TCF4: variants seen among roughly 807,000 people sequenced by gnomAD.
TCF4 encodes the protein transcription factor 4.
TCF4 carries 3 observed loss-of-function variants against 82.1 expected under a neutral mutation model. The observed-to-expected ratio is 0.04, with a 90% CI of 0.02 to 0.09. The LOEUF (loss-of-function observed/expected upper bound fraction) is 0.09. Among genes scored for constraint, TCF4 ranks in the 10% least tolerant of loss-of-function variants. TCF4 has a pLI of 1.00. For synonymous variants in TCF4, 276 were observed against 309.6 expected (o/e 0.89, Z 1.14); for missense variants, 518 against 852.7 (o/e 0.61, Z 4.89).
intron 8 of TCF4, among the ~76,000 whole-genome samples, chr18:55,333,755 A>G (rs2147815422): frequency 6.6e-6 from 1 of 152,288 alleles, no homozygotes; most frequent in Middle Eastern, 3.4e-3. Flanking sequence ...TCAAGACTGC[A>G]AGTTCACAGT....
At position 55,585,352 on chromosome 18, in the gene TCF4, T is replaced by C. The variant is rs2097629744; in HGVS notation, c.73A>G (p.Met25Val). The part of the protein sequence containing the change: ...ELSDLLDFSA[M>V]FSPPVSSGKN... ...CCACTGCTCACAGGAGGTGAAAACA[T>C]CTAAAAGAAACAAAGAAATATTACA... Residue 25 changes from methionine (M) to valine (V), a missense_variant and splice_region_variant, in exon 3 of 20, where the codon ATG (methionine) becomes GTG (valine). Transcript: ENST00000354452. 6.2e-7 allele frequency: 1 copy of C among 1,613,804 alleles called. No individual in the cohort carries two copies. The highest frequency in any genetic ancestry group is 8.5e-7 in the Non-Finnish European group (1 of 1,179,800).
Position 55,510,463 on chromosome 18 carries a change from T to C in TCF4, c.146-46326A>G, listed in dbSNP as rs898814805. On this transcript the variant is annotated intron_variant, in intron 3 of 19. Coordinates refer to ENST00000354452, the MANE Select transcript of TCF4 (RefSeq NM_001083962.2). The stretch of plus-strand genomic sequence containing the variant: ...ATGCATTTCAACCTAGAAGCCTTTG[T>C]AAAAACCCCAGTCAAATATGTCCAG... 9 of 762,878 alleles carry C rather than the reference T, an allele frequency of 1.2e-5. No individual in the cohort carries two copies. The African/African-American group carries it at 1.6e-4, about 14-fold the overall frequency. 47.3% of individuals were successfully genotyped at this position (762,878 alleles called of 1,614,324 possible).
At chr18:55,263,858 C>CAAAG (rs1367709029) in intron 11 of TCF4, among the ~76,000 whole-genome samples, 3 of 151,690 alleles carry the variant, frequency 2.0e-5, no homozygotes, top group Non-Finnish European at 2.9e-5. Flanking sequence ...TTCAGAGCTA[C>CAAAG]ATTGGAAAAA....
At chr18:55,523,606 G>C (rs1269258774) in intron 3 of TCF4, among the ~76,000 whole-genome samples, 2 of 151,738 alleles carry the variant, frequency 1.3e-5, no homozygotes, top group Non-Finnish European at 2.9e-5. Context: ...GGGAATTTTT[G>C]ACTTTCCCTT....
intron 6 of TCF4, among the ~76,000 whole-genome samples, chr18:55,381,323 G>A (rs1000543125): frequency 2.0e-5 from 3 of 152,192 alleles, no homozygotes; most frequent in Non-Finnish European, 4.4e-5. Flanking sequence ...TTTCAAAGGT[G>A]AAAACACCCA....
At chr18:55,228,726 T>C in intron 18 of TCF4, 121 bp downstream of exon 18, 1 of 1,055,622 alleles carries the variant, frequency 9.5e-7, no homozygotes, top group Admixed American at 2.0e-5. Context: ...ATGGAAACAA[T>C]TCTTTGGAAT....
intron 12 of TCF4, 80 bp from the exon 13 acceptor site, chr18:55,260,107 C>T (rs565525701): frequency 2.6e-5 from 28 of 1,085,468 alleles, no homozygotes; most frequent in East Asian, 4.7e-5. Flanking sequence ...AAGTTGTCAA[C>T]GCAATTCATT....
chr18:55,468,888 C>G (rs560464023), intron 3 of TCF4, among the ~76,000 whole-genome samples: 48 of 125,386 alleles, frequency 3.8e-4, no homozygotes, highest in Non-Finnish European at 3.5e-4. Context: ...CTCGCCCCCC[C>G]CCCCCTTGTT....
At chr18:55,407,736 C>T (rs1479416346) in intron 5 of TCF4, among the ~76,000 whole-genome samples, 1 of 150,936 alleles carries the variant, frequency 6.6e-6, no homozygotes, top group Non-Finnish European at 1.5e-5. Flanking sequence ...GGAAAATTTG[C>T]TTTTTATTTG....
chr18:55,588,841 A>G (rs985453650), upstream of TCF4, among the ~76,000 whole-genome samples: 11 of 144,130 alleles, frequency 7.6e-5, no homozygotes, highest in Non-Finnish European at 4.6e-5. Flanking sequence ...GCAAACTTCG[A>G]AAAAAAAAAA....
intron 5 of TCF4, among the ~76,000 whole-genome samples, chr18:55,405,775 G>A (rs1420459577): frequency 1.3e-5 from 2 of 152,260 alleles, no homozygotes; most frequent in African/African-American, 4.8e-5. Context: ...GCAGGAGGGA[G>A]AGGAGGAGGA....
At chr18:55,429,226 G>A (rs2095099211) in intron 5 of TCF4, among the ~76,000 whole-genome samples, 1 of 152,158 alleles carries the variant, frequency 6.6e-6, no homozygotes, top group Admixed American at 6.5e-5. Context: ...TCTGGCCAGG[G>A]CCCTGGGCCA....
In TCF4 at chr18:55,326,614, T is replaced by C. The variant is rs74669824; in HGVS notation, c.549+23745A>G. Reference sequence around the variant, plus strand: ...CTTAAAAATATAATTTCTGCTGATGTGTTAGTACTCAAATCTATGTTCTCA... The same window carrying C: ...CTTAAAAATATAATTTCTGCTGATGCGTTAGTACTCAAATCTATGTTCTCA... On this transcript the variant is annotated intron_variant, in intron 8 of 19. Transcript: ENST00000354452. 7.5e-3 allele frequency among the ~76,000 whole-genome samples: 1,135 copies of C among 152,250 alleles called. 16 individuals are homozygous for C. The highest frequency in any genetic ancestry group is 0.026 in the African/African-American group (1,079 of 41,544).
intron 8 of TCF4, among the ~76,000 whole-genome samples, chr18:55,323,610 T>TCCTCA (rs2076077576): frequency 6.6e-6 from 1 of 152,236 alleles, no homozygotes; most frequent in Non-Finnish European, 1.5e-5. Flanking sequence ...TTTCATGCTT[T>TCCTCA]GAGGATTTTT....
intron 6 of TCF4, among the ~76,000 whole-genome samples, chr18:55,353,372 A>G (rs1384845636): frequency 6.6e-6 from 1 of 152,206 alleles, no homozygotes; most frequent in Non-Finnish European, 1.5e-5. Flanking sequence ...GACTATGTGC[A>G]GTAACATAGC....
chr18:55,326,894 C>G (rs1324280253), intron 8 of TCF4, among the ~76,000 whole-genome samples: 1 of 152,102 alleles, frequency 6.6e-6, no homozygotes, highest in Non-Finnish European at 1.5e-5. Flanking sequence ...AACAAAGGAT[C>G]CATGTGTCAT....
chr18:55,269,815 C>T lies in TCF4; in HGVS notation c.922+16G>A. On this transcript the variant is annotated intron_variant, in intron 11 of 19. Transcript: ENST00000354452. ...CACCAATTGTTGGTATCAGAATTGG[C>T]ATTTCTGTGACTCACCCATTATACT... 6.2e-7 allele frequency: 1 copy of T among 1,612,758 alleles called. No homozygotes were observed. The highest frequency in any genetic ancestry group is 1.1e-5 in the South Asian group (1 of 91,044).
intron 5 of TCF4, among the ~76,000 whole-genome samples, chr18:55,431,698 G>A (rs930654098): frequency 3.9e-5 from 6 of 152,144 alleles, no homozygotes; most frequent in Admixed American, 6.5e-5. Context: ...GCGGTGATGA[G>A]AAAAAAAGAT....
chr18:55,341,361 G>C (rs1001736203), intron 8 of TCF4, among the ~76,000 whole-genome samples: 2 of 152,176 alleles, frequency 1.3e-5, no homozygotes, highest in Non-Finnish European at 2.9e-5. Context: ...AGGAATAAAT[G>C]ATTCAATAGA....
Sources: allele counts gnomAD v4.1 joint callset (sites outside exome capture counted in the v4.1 genomes callset), GRCh38; gene constraint gnomAD v4.1.1; transcripts MANE v1.5; gene names NCBI Gene and HGNC (gene_info 2026-07-23, HGNC 2026-07-21).